ALMS1: variants seen among roughly 807,000 people sequenced by gnomAD.
The protein encoded by ALMS1 is centrosome-associated protein ALMS1.
A neutral mutation model predicts 352.2 loss-of-function variants in ALMS1; 271 were observed. That is an observed-to-expected ratio of 0.77 (90% CI 0.70 to 0.85). The LOEUF (loss-of-function observed/expected upper bound fraction) is 0.85, where lower values mean the gene tolerates loss of function less well. ALMS1 is among the 40% of genes least tolerant of loss of function. The pLI, the probability that ALMS1 is intolerant of heterozygous loss-of-function variation, is 0.00. For synonymous variants in ALMS1, 1,865 were observed against 1,761.2 expected, an observed-to-expected ratio of 1.06 and a Z score of -1.48; for missense variants, 5,445 against 4,870.7, an observed-to-expected ratio of 1.12 and a Z score of -3.51.
intron 9 of ALMS1, among the ~76,000 whole-genome samples, chr2:73,459,824 G>A (rs6753922): frequency 0.019 from 2,934 of 152,210 alleles, 110 homozygotes; most frequent in African/African-American, 0.065. Flanking sequence ...TTAGCAGAGA[G>A]TGGCATGTAG....
At chr2:73,442,192 G>A (rs1671733052) in intron 7 of ALMS1, among the ~76,000 whole-genome samples, 1 of 152,026 alleles carries the variant, frequency 6.6e-6, no homozygotes, top group Admixed American at 6.6e-5. Context: ...CCAAAATCTG[G>A]AACTTTTTGA....
chr2:73,508,715 G>C (rs1379425232), intron 10 of ALMS1, among the ~76,000 whole-genome samples: 1 of 152,072 alleles, frequency 6.6e-6, no homozygotes, highest in Non-Finnish European at 1.5e-5. Context: ...AGGTCTGCTT[G>C]GTCCAGACCT....
intron 10 of ALMS1, among the ~76,000 whole-genome samples, chr2:73,505,587 T>C (rs1319782041): frequency 6.6e-6 from 1 of 152,184 alleles, no homozygotes; most frequent in African/African-American, 2.4e-5. Context: ...TTCTTGTACA[T>C]TTGTTTAAGT....
intron 9 of ALMS1, among the ~76,000 whole-genome samples, chr2:73,464,346 A>C (rs893935816): frequency 2.0e-5 from 3 of 152,232 alleles, no homozygotes; most frequent in African/African-American, 7.2e-5. Flanking sequence ...GACAAAAACC[A>C]CATGATTATC....
At chr2:73,487,737 A>G (rs1348042981) in intron 9 of ALMS1, among the ~76,000 whole-genome samples, 1 of 152,196 alleles carries the variant, frequency 6.6e-6, no homozygotes, top group Non-Finnish European at 1.5e-5. Flanking sequence ...GAGGAGTTTC[A>G]TCGAGTGGCA....
Position 73,437,051 on chromosome 2 carries a change from C to T in ALMS1, c.1432+4760C>T, listed in dbSNP as rs540698254. On this transcript the variant is annotated intron_variant, in intron 7 of 22. Transcript: ENST00000613296. ...GTAACGTTTGATATTTTTGTTGTTT[C>T]GTTATTTAGTGTCTGGTTTGGATTA... Among the ~76,000 whole-genome samples the T allele has an allele frequency of 1.1e-4, 17 of 152,150 alleles. No homozygotes were observed. In the South Asian group the frequency reaches 1.7e-3, roughly 15 times the overall value.
chr2:73,609,025 C>T (rs1050515107), intron 22 of ALMS1, among the ~76,000 whole-genome samples: 3 of 152,254 alleles, frequency 2.0e-5, no homozygotes, highest in South Asian at 2.1e-4. Context: ...CCATGCCCTG[C>T]CCATTGTCCC....
At chr2:73,402,462 C>T (rs1051106601) in intron 1 of ALMS1, among the ~76,000 whole-genome samples, 10 of 151,452 alleles carry the variant, frequency 6.6e-5, no homozygotes, top group Non-Finnish European at 8.8e-5. Context: ...TTAATAGAGG[C>T]GGGGTTTCGT....
At chr2:73,581,614 C>A (rs1432036417) in intron 16 of ALMS1, among the ~76,000 whole-genome samples, 1 of 152,186 alleles carries the variant, frequency 6.6e-6, no homozygotes, top group African/African-American at 2.4e-5. Context: ...TGACAGTTTT[C>A]CGTATTTTTT....
intron 9 of ALMS1, among the ~76,000 whole-genome samples, chr2:73,485,079 A>G (rs1183233535): frequency 1.3e-5 from 2 of 152,192 alleles, no homozygotes; most frequent in African/African-American, 4.8e-5. Context: ...TCAGCTCGTC[A>G]AAGTCATTCT....
chr2:73,451,338 C>T lies in ALMS1; in HGVS notation c.4811C>T (p.Thr1604Ile). 6.2e-7 allele frequency: 1 copy of T among 1,613,888 alleles called. No homozygotes were observed. Among genetic ancestry groups the T allele is most frequent in the African/African-American group, 1.3e-5 (1 of 74,954 alleles). ...AAAGTTTCCATTGTTTCTGGACCTACTGAAAAAAAGACTGACATACCAGCA... is the reference window on the plus strand; with the variant it reads ...AAAGTTTCCATTGTTTCTGGACCTATTGAAAAAAAGACTGACATACCAGCA... ...ALKVSIVSGPTEKKTDIPAGP... is the reference protein window; with the variant it reads ...ALKVSIVSGPIEKKTDIPAGP... Residue 1604 changes from threonine (T) to isoleucine (I), a missense_variant, in exon 8 of 23, where the codon ACT (threonine) becomes ATT (isoleucine). By Grantham distance (89) the Thr-to-Ile change is moderately conservative. Transcript: ENST00000613296.
At chr2:73,569,378 A>G (rs1196398001) in intron 15 of ALMS1, among the ~76,000 whole-genome samples, 2 of 152,118 alleles carry the variant, frequency 1.3e-5, no homozygotes, top group South Asian at 2.1e-4. Context: ...TGGGAGGACT[A>G]TGTTCATTGA....
intron 17 of ALMS1, among the ~76,000 whole-genome samples, chr2:73,600,200 A>G (rs531103803): frequency 3.3e-5 from 5 of 152,248 alleles, no homozygotes; most frequent in Non-Finnish European, 5.9e-5. Context: ...TGTGAACAGA[A>G]TAAATGGAGA....
At position 73,579,097 on chromosome 2, in the gene ALMS1, C is replaced by T. The variant is rs1028261131; in HGVS notation, c.11547+5673C>T. Reference sequence around the variant, plus strand: ...TTTATTTTTTTTTTTGAGACGGAGTCGTCCTGGGCTGTAGTGCAATGGCAC... The same window carrying T: ...TTTATTTTTTTTTTTGAGACGGAGTTGTCCTGGGCTGTAGTGCAATGGCAC... On this transcript the variant is annotated intron_variant, in intron 16 of 22. Transcript: ENST00000613296. Among the ~76,000 whole-genome samples the T allele has an allele frequency of 7.1e-5, 7 of 98,810 alleles. No individual in the cohort carries two copies. The East Asian group carries it at 1.1e-3, about 16-fold the overall frequency. 64.8% of individuals were successfully genotyped at this position (98,810 alleles called of 152,430 possible). A position where few individuals can be genotyped will look rare whatever the true frequency, so the allele number is the denominator to read the frequency against.
At chr2:73,591,521 A>G (rs762104166) in intron 16 of ALMS1, among the ~76,000 whole-genome samples, 2 of 152,240 alleles carry the variant, frequency 1.3e-5, no homozygotes, top group African/African-American at 2.4e-5. Context: ...AACTGAAATA[A>G]CATATGGACA....
intron 10 of ALMS1, among the ~76,000 whole-genome samples, chr2:73,508,467 A>C (rs1462532914): frequency 6.6e-6 from 1 of 151,772 alleles, no homozygotes; most frequent in Non-Finnish European, 1.5e-5. Context: ...GGCCTCCCAA[A>C]ATGCTGGGGT....
At chr2:73,482,068 T>C (rs1028067003) in intron 9 of ALMS1, among the ~76,000 whole-genome samples, 2 of 152,234 alleles carry the variant, frequency 1.3e-5, no homozygotes, top group African/African-American at 4.8e-5. Flanking sequence ...ATAGCTTTTA[T>C]TTCCTTCTCC....
At chr2:73,544,470 C>G in intron 12 of ALMS1, among the ~76,000 whole-genome samples, 1 of 151,994 alleles carries the variant, frequency 6.6e-6, no homozygotes, top group Non-Finnish European at 1.5e-5. Flanking sequence ...ACATATGTAA[C>G]AAACCTGCAC....
At chr2:73,497,836 T>G (rs910587139) in intron 10 of ALMS1, among the ~76,000 whole-genome samples, 15 of 152,214 alleles carry the variant, frequency 9.9e-5, no homozygotes, top group Non-Finnish European at 2.2e-4. Flanking sequence ...CAAATTGTGC[T>G]GCTGTACAAG....
Sources: allele counts gnomAD v4.1 joint callset (sites outside exome capture counted in the v4.1 genomes callset), GRCh38; gene constraint gnomAD v4.1.1; transcripts MANE v1.5; gene names NCBI Gene and HGNC (gene_info 2026-07-23, HGNC 2026-07-21).